SEC31A: variants seen among roughly 807,000 people sequenced by gnomAD.
The protein encoded by SEC31A is protein transport protein Sec31A.
Under a neutral mutation model 151.0 loss-of-function variants are expected in SEC31A, and 70 were observed. The ratio of observed to expected loss-of-function variants is 0.46; its 90% CI spans 0.38 to 0.57. The LOEUF is 0.57. Among genes scored for constraint, SEC31A ranks in the 20% least tolerant of loss-of-function variants. SEC31A has a pLI of 0.00. For synonymous variants in SEC31A, 475 were observed against 505.9 expected, an observed-to-expected ratio of 0.94 and a Z score of 0.82; for missense variants, 1,330 against 1,471.2, an observed-to-expected ratio of 0.90 and a Z score of 1.57.
At chr4:82,890,896 C>T (rs1719585680) in intron 1 of SEC31A, 192 bp downstream of exon 1, 22 of 1,395,712 alleles carry the variant, frequency 1.6e-5, no homozygotes, top group Non-Finnish European at 1.9e-5. Flanking sequence ...CGGGCGCGAT[C>T]ACTGGAGTCC....
chr4:82,853,728 G>T lies in SEC31A; in HGVS notation c.2009-13C>A. On this transcript the variant is annotated splice_polypyrimidine_tract_variant and intron_variant, in intron 17 of 26. Transcript: ENST00000395310. The stretch of plus-strand genomic sequence containing the variant: ...GTTCCCAAAAGATCTGTAAGTAAGA[G>T]GAAAATAAAATAAGATTATACCCAA... 1 of 1,593,986 alleles carries T rather than the reference G, an allele frequency of 6.3e-7. No homozygotes were observed. Among genetic ancestry groups the T allele is most frequent in the South Asian group, 1.1e-5 (1 of 87,070 alleles).
chr4:82,837,171 A>ATG (rs1200465620), intron 22 of SEC31A, among the ~76,000 whole-genome samples: 9 of 43,510 alleles, frequency 2.1e-4, no homozygotes, highest in Non-Finnish European at 5.3e-4. Flanking sequence ...ATATATATAT[A>ATG]TATATATATA....
At chr4:82,842,077 C>T (rs1729045129) in intron 22 of SEC31A, 63 bp downstream of exon 22, 1 of 1,283,694 alleles carries the variant, frequency 7.8e-7, no homozygotes, top group Non-Finnish European at 1.1e-6. Flanking sequence ...ACCCCTCCAT[C>T]CACCCATCTG....
chr4:82,874,841 G>A lies in SEC31A; in HGVS notation c.499-90C>T, dbSNP rs140250948. The A allele has an allele frequency of 1.3e-4, 189 of 1,461,584 alleles. No homozygotes were observed. In the African/African-American group the frequency reaches 2.3e-3, roughly 18 times the overall value. 90.5% of individuals were successfully genotyped at this position (1,461,584 alleles called of 1,614,324 possible). A position where few individuals can be genotyped will look rare whatever the true frequency, so the allele number is the denominator to read the frequency against. ...AATTGGATCCTTCATTTTGAAAAGT[G>A]TATTACTTAAAAATCTGATCCATTT... On this transcript the variant is annotated intron_variant, in intron 5 of 26. Coordinates refer to ENST00000395310, the MANE Select transcript of SEC31A (RefSeq NM_001077207.4).
rs144115938 is a variant in SEC31A at position 82,854,217 on chromosome 4, G to A, written c.2009-502C>T. Among the ~76,000 whole-genome samples, 1,453 of 152,196 alleles carry A rather than the reference G, an allele frequency of 9.5e-3. 12 individuals carry two copies. The highest frequency in any genetic ancestry group is 0.015 in the Admixed American group (222 of 15,284). ...TGTCTCTACGAAAAATGCAAAACTAGCCAGGCATGGTGGTGCATGCCTATA... is the reference window on the plus strand; with the variant it reads ...TGTCTCTACGAAAAATGCAAAACTAACCAGGCATGGTGGTGCATGCCTATA... On this transcript the variant is annotated intron_variant, in intron 17 of 26. Transcript: ENST00000395310.
At chr4:82,826,399 G>A (rs4693517) in intron 24 of SEC31A, among the ~76,000 whole-genome samples, 1 of 152,076 alleles carries the variant, frequency 6.6e-6, no homozygotes, top group Non-Finnish European at 1.5e-5. Context: ...TGTCGTCCAG[G>A]CTGGAGTGCA....
chr4:82,840,634 A>C (rs1031996159), intron 22 of SEC31A, among the ~76,000 whole-genome samples: 4 of 152,206 alleles, frequency 2.6e-5, no homozygotes, highest in Admixed American at 2.6e-4. Context: ...AACATCACAG[A>C]GTGCACTTAC....
rs555712998 is a variant in SEC31A at position 82,820,627 on chromosome 4, A to C, written c.3483+410T>G. Among the ~76,000 whole-genome samples the C allele has an allele frequency of 3.9e-5, 6 of 152,302 alleles. No homozygotes were observed. In the South Asian group the frequency reaches 1.2e-3, roughly 32 times the overall value. ...TTGGCTTTGCTTTTGTATAATGGCT[A>C]TCCTAAAAGAAAAGGGTCAAGAGTC... On this transcript the variant is annotated intron_variant, in intron 26 of 26. Transcript: ENST00000395310.
rs1196707576 is a variant in SEC31A at position 82,844,448 on chromosome 4, C to A, written c.2564G>T (p.Gly855Val). Reference sequence around the variant, plus strand: ...ATGACCTGGAGATGTGGGAAGCTGACCAGCAGCATTTGGATTAACATTTCC... The same window carrying A: ...ATGACCTGGAGATGTGGGAAGCTGAACAGCAGCATTTGGATTAACATTTCC... ...MHGNVNPNAA[G>V]QLPTSPGHMH... The change falls in exon 21 of 27, where the codon GGT becomes GTT. Residue 855 changes from glycine to valine, a missense_variant. Gly to Val is a moderately radical substitution (Grantham distance 109, BLOSUM62 -3). Transcript: ENST00000395310. 1 of 1,613,738 alleles carries A rather than the reference C, an allele frequency of 6.2e-7. No individual in the cohort carries two copies. The highest frequency in any genetic ancestry group is 1.1e-5 in the South Asian group (1 of 91,074).
chr4:82,860,984 T>A (rs1402689899), intron 14 of SEC31A, among the ~76,000 whole-genome samples: 1 of 151,570 alleles, frequency 6.6e-6, no homozygotes, highest in African/African-American at 2.4e-5. Flanking sequence ...AAAGATGAGA[T>A]GAGAAGAACT....
intron 13 of SEC31A, 159 bp from the exon 14 acceptor site, chr4:82,861,867 GA>G: frequency 5.8e-6 from 2 of 347,028 alleles, no homozygotes; most frequent in Non-Finnish European, 1.1e-5. Flanking sequence ...ACCATTAGAG[GA>G]AAAGCAAAGA....
At chr4:82,872,461 T>C (rs1241366803) in intron 6 of SEC31A, among the ~76,000 whole-genome samples, 1 of 152,192 alleles carries the variant, frequency 6.6e-6, no homozygotes, top group Non-Finnish European at 1.5e-5. Flanking sequence ...AGTGCTGGTA[T>C]TACAGGCATG....
At chr4:82,880,481 C>A (rs1739024597) in intron 3 of SEC31A, among the ~76,000 whole-genome samples, 1 of 151,466 alleles carries the variant, frequency 6.6e-6, no homozygotes, top group Non-Finnish European at 1.5e-5. Flanking sequence ...CCCAGCTACT[C>A]GGGAGGCTGA....
intron 17 of SEC31A, 114 bp from the exon 18 acceptor site, chr4:82,853,829 T>C (rs917654379): frequency 1.4e-5 from 10 of 737,942 alleles, no homozygotes; most frequent in African/African-American, 3.8e-5. Context: ...AACCAATGAA[T>C]AGCATAGAGA....
At chr4:82,844,162 C>T (rs1729526115) in intron 21 of SEC31A, 3 of 402,854 alleles carry the variant, frequency 7.4e-6, no homozygotes, top group Non-Finnish European at 8.8e-6. Flanking sequence ...GGCTGAGGAA[C>T]AGGAGTCAAC....
At chr4:82,836,305 G>A (rs564953263) in intron 22 of SEC31A, among the ~76,000 whole-genome samples, 107 of 149,852 alleles carry the variant, frequency 7.1e-4, no homozygotes, top group African/African-American at 2.4e-3. Flanking sequence ...CCCAGGAGGC[G>A]GAGGTTGCAG....
chr4:82,888,653 T>C (rs545671537), intron 1 of SEC31A, among the ~76,000 whole-genome samples: 12 of 151,344 alleles, frequency 7.9e-5, no homozygotes, highest in African/African-American at 2.9e-4. Flanking sequence ...CGCGCCAATG[T>C]ACTCCAGCCT....
At chr4:82,868,080 T>C (rs2149564084) in intron 8 of SEC31A, among the ~76,000 whole-genome samples, 1 of 152,398 alleles carries the variant, frequency 6.6e-6, no homozygotes, top group Middle Eastern at 3.4e-3. Context: ...CTAAGAAATC[T>C]GACTTTTAAT....
Position 82,851,598 on chromosome 4 carries a change from T to C in SEC31A, c.2161A>G (p.Ile721Val), listed in dbSNP as rs754070158. ...TTTCGCAGGATGACAACTTTCTCAATCAGATCCTAAATGAAAAAAATGAGT... is the reference window on the plus strand; with the variant it reads ...TTTCGCAGGATGACAACTTTCTCAACCAGATCCTAAATGAAAAAAATGAGT... ...GSHPLSLQDL[I>V]EKVVILRKAV... The change falls in exon 19 of 27, where the codon ATT becomes GTT. Residue 721 changes from isoleucine to valine, a missense_variant. Transcript: ENST00000395310. 25 of 1,607,898 alleles carry C rather than the reference T, an allele frequency of 1.6e-5. No individual in the cohort carries two copies. Among genetic ancestry groups the C allele is most frequent in the Non-Finnish European group, 2.0e-5 (24 of 1,176,208 alleles).
Sources: gnomAD v4.1 joint callset for allele counts (sites outside exome capture counted in the v4.1 genomes callset) on GRCh38, gnomAD v4.1.1 for gene constraint, MANE v1.5 for transcripts, NCBI Gene and HGNC (gene_info 2026-07-23, HGNC 2026-07-21) for gene names.